Variants in PLPPR1 observed in about 807,000 individuals in gnomAD.
The protein encoded by PLPPR1 is phospholipid phosphatase related 1.
PLPPR1 carries 10 observed loss-of-function variants against 33.1 expected under a neutral mutation model. That is an observed-to-expected ratio of 0.30 (90% confidence interval 0.19 to 0.51). PLPPR1 has a LOEUF of 0.51. Among genes scored for constraint, PLPPR1 ranks in the 20% least tolerant of loss-of-function variants. The pLI, the probability that PLPPR1 is intolerant of heterozygous loss-of-function variation, is 0.97. For synonymous variants in PLPPR1, 151 were observed against 151.0 expected (o/e 1.00, Z 0.00); for missense variants, 304 against 408.1 (o/e 0.74, Z 2.20).
Position 101,291,016 on chromosome 9 carries a change from A to G in PLPPR1, c.385+4780A>G, listed in dbSNP as rs1309469395. Among the ~76,000 whole-genome samples the G allele has an allele frequency of 1.3e-5, 2 of 152,246 alleles. 1 individual carries two copies. Among genetic ancestry groups the G allele is most frequent in the South Asian group, 4.1e-4 (2 of 4,836 alleles). On this transcript the variant is annotated intron_variant, in intron 4 of 7. Transcript: ENST00000374874. ...ACTCGGGAAGTGCAAGGGGTCAGGG[A>G]GTTCCCTTTCCTAGTCAAAGAAAGG...
At chr9:101,301,206 G>A (rs1048591366) in intron 4 of PLPPR1, among the ~76,000 whole-genome samples, 2 of 151,994 alleles carry the variant, frequency 1.3e-5, no homozygotes, top group South Asian at 2.1e-4. Flanking sequence ...CCAGCTTATC[G>A]CATTGTAAAA....
At chr9:101,135,200 G>A (rs927567465) in intron 1 of PLPPR1, among the ~76,000 whole-genome samples, 3 of 152,110 alleles carry the variant, frequency 2.0e-5, no homozygotes, top group Admixed American at 2.0e-4. Context: ...CTTAATCGCT[G>A]CCCTTTTTCT....
intron 2 of PLPPR1, among the ~76,000 whole-genome samples, chr9:101,241,551 C>A (rs1461132431): frequency 1.3e-5 from 2 of 152,092 alleles, no homozygotes; most frequent in African/African-American, 2.4e-5. Context: ...TTGAGATAGA[C>A]CTTCACACCC....
rs558737120 is a variant in PLPPR1, at chr9:101,238,309, T to C, written c.64-31571T>C. Among the ~76,000 whole-genome samples, 12 of 132,390 alleles carry C rather than the reference T, an allele frequency of 9.1e-5. No homozygotes were observed. The South Asian group carries it at 3.0e-3, about 33-fold the overall frequency. The allele number at this position is 132,390 out of a possible 152,430, so 86.9% of individuals were successfully genotyped here. The stretch of plus-strand genomic sequence containing the variant: ...ATACATACCCTATATATATATAGGG[T>C]ATGTATATAGGATGTATATATACCT... On this transcript the variant is annotated intron_variant, in intron 2 of 7. Coordinates refer to ENST00000374874, the MANE Select transcript of PLPPR1 (RefSeq NM_207299.2).
At chr9:101,234,142 T>A (rs1222213950) in intron 2 of PLPPR1, among the ~76,000 whole-genome samples, 1 of 151,858 alleles carries the variant, frequency 6.6e-6, no homozygotes, top group African/African-American at 2.4e-5. Flanking sequence ...CAGCTTAGTT[T>A]GTGTGACTTC....
chr9:101,191,528 T>A (rs1395387300), intron 2 of PLPPR1, among the ~76,000 whole-genome samples: 1 of 152,170 alleles, frequency 6.6e-6, no homozygotes, highest in African/African-American at 2.4e-5. Context: ...AAACTTCTCA[T>A]GCTTGAGACT....
At chr9:101,040,834 T>C (rs1830068579) in intron 1 of PLPPR1, among the ~76,000 whole-genome samples, 1 of 152,216 alleles carries the variant, frequency 6.6e-6, no homozygotes, top group Non-Finnish European at 1.5e-5. Context: ...CTGTATATTT[T>C]GTCCATTGTT....
At chr9:101,064,469 G>A (rs1397957156) in intron 1 of PLPPR1, among the ~76,000 whole-genome samples, 1 of 152,074 alleles carries the variant, frequency 6.6e-6, no homozygotes, top group African/African-American at 2.4e-5. Context: ...TGGTGCCAGA[G>A]CAAACACAGA....
At chr9:101,036,734 G>A (rs868679692) in intron 1 of PLPPR1, among the ~76,000 whole-genome samples, 82 of 146,844 alleles carry the variant, frequency 5.6e-4, no homozygotes, top group Non-Finnish European at 9.3e-4. Context: ...AGAGGAAGAA[G>A]AAGAAAGGAA....
intron 5 of PLPPR1, among the ~76,000 whole-genome samples, chr9:101,312,287 TTTG>T (rs34869553): frequency 0.12 from 18,715 of 152,100 alleles, 1,325 homozygotes; most frequent in South Asian, 0.18. Context: ...CAGTCAACAC[TTTG>T]TTGGTATTAA....
At chr9:101,176,574 G>T (rs145537838) in intron 1 of PLPPR1, among the ~76,000 whole-genome samples, 82 of 152,250 alleles carry the variant, frequency 5.4e-4, no homozygotes, top group African/African-American at 1.9e-3. Flanking sequence ...TCTCCACCAG[G>T]GTGGTATCAG....
intron 3 of PLPPR1, among the ~76,000 whole-genome samples, chr9:101,271,589 T>C (rs1028325399): frequency 1.3e-5 from 2 of 152,174 alleles, no homozygotes; most frequent in Non-Finnish European, 2.9e-5. Flanking sequence ...CACCTTTCCA[T>C]GTACCTCACA....
At chr9:101,048,831 G>A (rs771373799) in intron 1 of PLPPR1, among the ~76,000 whole-genome samples, 1 of 152,080 alleles carries the variant, frequency 6.6e-6, no homozygotes, top group African/African-American at 2.4e-5. Context: ...TAAAATACAG[G>A]AAAAGGGTAG....
intron 2 of PLPPR1, 43 bp from the exon 3 acceptor site, chr9:101,269,837 G>A (rs751879550): frequency 5.0e-6 from 8 of 1,602,830 alleles, no homozygotes; most frequent in Admixed American, 1.7e-5. Context: ...GGGCTGCTCC[G>A]AAGCCCTGCT....
chr9:101,094,466 A>T (rs73493863), intron 1 of PLPPR1, among the ~76,000 whole-genome samples: 3,181 of 152,182 alleles, frequency 0.021, 113 homozygotes, highest in African/African-American at 0.072. Flanking sequence ...CACCAAACCC[A>T]TGCATAATTA....
At chr9:101,256,699 T>C (rs1440757875) in intron 2 of PLPPR1, among the ~76,000 whole-genome samples, 2 of 152,146 alleles carry the variant, frequency 1.3e-5, no homozygotes, top group African/African-American at 4.8e-5. Context: ...AAGAACCTGA[T>C]GTGGGGGTCC....
At chr9:101,282,223 T>C (rs909714447) in intron 3 of PLPPR1, among the ~76,000 whole-genome samples, 2 of 152,160 alleles carry the variant, frequency 1.3e-5, no homozygotes, top group Non-Finnish European at 2.9e-5. Flanking sequence ...ACCATGATCA[T>C]GTGGGATTCA....
intron 1 of PLPPR1, among the ~76,000 whole-genome samples, chr9:101,164,365 CTTTTT>C (rs66835142): frequency 7.5e-6 from 1 of 133,532 alleles, no homozygotes; most frequent in African/African-American, 3.0e-5. Flanking sequence ...CTTTTCTTTT[CTTTTT>C]TTTTTTTTCT....
At chr9:101,126,415 G>A (rs1831247276) in intron 1 of PLPPR1, among the ~76,000 whole-genome samples, 1 of 152,124 alleles carries the variant, frequency 6.6e-6, no homozygotes, top group South Asian at 2.1e-4. Flanking sequence ...TTTTTTGGTG[G>A]CTCTCCAGGA....
Sources: allele counts gnomAD v4.1 joint callset (sites outside exome capture counted in the v4.1 genomes callset), GRCh38; gene constraint gnomAD v4.1.1; transcripts MANE v1.5; gene names NCBI Gene and HGNC (gene_info 2026-07-23, HGNC 2026-07-21).